Variants in AGFG1 observed in about 807,000 individuals in gnomAD.
The protein encoded by AGFG1 is ArfGAP with FG repeats 1.
Under a neutral mutation model 60.6 loss-of-function variants are expected in AGFG1, and 10 were observed. The observed-to-expected ratio is 0.16, with a 90% CI of 0.10 to 0.28. The LOEUF (loss-of-function observed/expected upper bound fraction) is 0.28. Among genes scored for constraint, AGFG1 ranks in the 10% least tolerant of loss-of-function variants. AGFG1 has a pLI of 1.00. For missense variants in AGFG1, 537 were observed against 676.5 expected (o/e 0.79, Z 2.29); for synonymous variants, 247 against 242.9 (o/e 1.02, Z -0.16).
At chr2:227,476,750 CTG>C (rs1559163008) in intron 1 of AGFG1, among the ~76,000 whole-genome samples, 1 of 152,022 alleles carries the variant, frequency 6.6e-6, no homozygotes, top group Non-Finnish European at 1.5e-5. Flanking sequence ...TTTTGGAGCT[CTG>C]TGTATAATAT....
intron 10 of AGFG1, among the ~76,000 whole-genome samples, chr2:227,550,470 G>A (rs1692786249): frequency 6.6e-6 from 1 of 152,012 alleles, no homozygotes; most frequent in Non-Finnish European, 1.5e-5. Context: ...TTGCTTAACT[G>A]TATTCAAGTT....
chr2:227,502,349 C>G (rs1208894474), intron 2 of AGFG1, among the ~76,000 whole-genome samples: 1 of 152,150 alleles, frequency 6.6e-6, no homozygotes, highest in Non-Finnish European at 1.5e-5. Context: ...GAGACAGAGT[C>G]TCACTCTGTT....
intron 2 of AGFG1, among the ~76,000 whole-genome samples, chr2:227,495,932 G>GTC (rs1690959488): frequency 6.6e-6 from 1 of 150,876 alleles, no homozygotes; most frequent in Non-Finnish European, 1.5e-5. Flanking sequence ...GCGAAACTCT[G>GTC]TCTCTACTAA....
At chr2:227,505,622 A>G (rs1487496391) in intron 2 of AGFG1, among the ~76,000 whole-genome samples, 1 of 151,738 alleles carries the variant, frequency 6.6e-6, no homozygotes, top group South Asian at 2.1e-4. Context: ...CATCTCTAGC[A>G]TTTGTATTTT....
chr2:227,546,062 CT>C (rs1483777316), intron 10 of AGFG1, among the ~76,000 whole-genome samples: 3 of 152,192 alleles, frequency 2.0e-5, no homozygotes, highest in Non-Finnish European at 4.4e-5. Context: ...TTTCTGCTGC[CT>C]TTTTTCAGCT....
intron 11 of AGFG1, among the ~76,000 whole-genome samples, chr2:227,553,080 G>A (rs1325886760): frequency 6.6e-6 from 1 of 151,214 alleles, no homozygotes; most frequent in Non-Finnish European, 1.5e-5. Flanking sequence ...ACAAAATACT[G>A]TGATGTTTAC....
At position 227,534,039 on chromosome 2, in the gene AGFG1, T is replaced by G. The variant is rs371787547; in HGVS notation, c.1024+281T>G. ...GGCGTGCTTTACTTTTCTTTGGCTATAAAGAGCCAAGAAACCCCATTGGCA... is the reference window on the plus strand; with the variant it reads ...GGCGTGCTTTACTTTTCTTTGGCTAGAAAGAGCCAAGAAACCCCATTGGCA... On this transcript the variant is annotated intron_variant, in intron 7 of 12. Transcript: ENST00000310078. 1.6e-4 allele frequency among the ~76,000 whole-genome samples: 24 copies of G among 152,260 alleles called. 1 individual carries two copies. The East Asian group carries it at 1.9e-3, about 12-fold the overall frequency.
intron 10 of AGFG1, among the ~76,000 whole-genome samples, chr2:227,544,146 C>CCTTTTTTTTTTTTTTTTTTTT (rs1692573122): frequency 1.3e-5 from 1 of 75,756 alleles, no homozygotes. Flanking sequence ...CATTCTGTGT[C>CCTTTTTTTTTTTTTTTTTTTT]TTTTTTTTTT....
chr2:227,478,542 C>T (rs1479291018), intron 1 of AGFG1, among the ~76,000 whole-genome samples: 1 of 152,092 alleles, frequency 6.6e-6, no homozygotes, highest in Non-Finnish European at 1.5e-5. Flanking sequence ...GCCATGTTGC[C>T]CAGGCTGATC....
chr2:227,480,640 C>G (rs1406995543), intron 1 of AGFG1, among the ~76,000 whole-genome samples: 1 of 150,114 alleles, frequency 6.7e-6, no homozygotes, highest in Non-Finnish European at 1.5e-5. Context: ...ATCTTCTGCT[C>G]TGGAAATGCT....
intron 1 of AGFG1, among the ~76,000 whole-genome samples, chr2:227,480,008 A>T (rs574710907): frequency 6.6e-6 from 1 of 152,192 alleles, no homozygotes; most frequent in Non-Finnish European, 1.5e-5. Context: ...GACACCATAC[A>T]TGTTTTGTAG....
intron 2 of AGFG1, among the ~76,000 whole-genome samples, chr2:227,498,682 T>C (rs950875123): frequency 6.6e-6 from 1 of 152,232 alleles, no homozygotes; most frequent in Non-Finnish European, 1.5e-5. Context: ...AATGTAGACA[T>C]GTCTTTGTGT....
intron 1 of AGFG1, among the ~76,000 whole-genome samples, chr2:227,475,560 T>A (rs1256902438): frequency 6.6e-6 from 1 of 152,166 alleles, no homozygotes; most frequent in African/African-American, 2.4e-5. Context: ...ATAATATAAC[T>A]CTTGGGTTTA....
chr2:227,505,798 G>T (rs988739603), intron 2 of AGFG1, among the ~76,000 whole-genome samples: 1 of 152,078 alleles, frequency 6.6e-6, no homozygotes, highest in African/African-American at 2.4e-5. Flanking sequence ...GAGTGCAGTG[G>T]CACAATCTTG....
At chr2:227,482,575 G>A (rs980780334) in intron 1 of AGFG1, among the ~76,000 whole-genome samples, 1 of 152,106 alleles carries the variant, frequency 6.6e-6, no homozygotes, top group Non-Finnish European at 1.5e-5. Context: ...ATTACTTTCT[G>A]CCAGTATTAT....
At chr2:227,493,522 A>G (rs1690881779) in intron 2 of AGFG1, among the ~76,000 whole-genome samples, 1 of 152,212 alleles carries the variant, frequency 6.6e-6, no homozygotes, top group Admixed American at 6.5e-5. Context: ...GCATTATGGT[A>G]AATTTAGAGT....
chr2:227,488,092 G>A (rs1015150439), intron 1 of AGFG1, among the ~76,000 whole-genome samples: 1 of 152,314 alleles, frequency 6.6e-6, no homozygotes, highest in East Asian at 1.9e-4. Context: ...TGTACTGAGA[G>A]AGCTCATTTG....
At position 227,481,099 on chromosome 2, in the gene AGFG1, C is replaced by CT. The variant is rs36152184; in HGVS notation, c.167+8535dup. On this transcript the variant is annotated intron_variant, in intron 1 of 12. Transcript: ENST00000310078. Reference sequence around the variant, plus strand: ...TAGGTCTTTTGTTCAGTGTTTTAGGCTTTTTTTTTTTTTTTTTTTTTTTTG... The same window carrying CT: ...TAGGTCTTTTGTTCAGTGTTTTAGGCTTTTTTTTTTTTTTTTTTTTTTTTTG... Among the ~76,000 whole-genome samples the CT allele has an allele frequency of 8.8e-4, 67 of 75,740 alleles. 1 individual carries two copies. Among genetic ancestry groups the CT allele is most frequent in the African/African-American group, 2.6e-3 (49 of 18,660 alleles). The allele number at this position is 75,740 out of a possible 152,430, so 49.7% of individuals were successfully genotyped here.
rs990355762 is a variant in AGFG1 at position 227,556,319 on chromosome 2, C to T, written c.*1824C>T. 1 of 152,526 alleles carries T rather than the reference C, an allele frequency of 6.6e-6. No individual in the cohort carries two copies. The highest frequency in any genetic ancestry group is 1.5e-5 in the Non-Finnish European group (1 of 68,032). 9.4% of individuals were successfully genotyped at this position (152,526 alleles called of 1,614,324 possible). On this transcript the variant is annotated 3_prime_UTR_variant, in exon 13 of 13. Coordinates refer to ENST00000310078, the MANE Select transcript of AGFG1 (RefSeq NM_004504.5). ...TTTAGACTTGTTAAAACATTGCTGT[C>T]TAGTGTACATCTAGCTAAAAGTGTG...
Sources: gnomAD v4.1 joint callset for allele counts (sites outside exome capture counted in the v4.1 genomes callset) on GRCh38, gnomAD v4.1.1 for gene constraint, MANE v1.5 for transcripts, NCBI Gene and HGNC (gene_info 2026-07-23, HGNC 2026-07-21) for gene names.